Variants in ABCG2 observed in about 807,000 individuals in gnomAD.
The protein encoded by ABCG2 is broad substrate specificity ATP-binding cassette transporter ABCG2.
ABCG2 carries 80 observed loss-of-function variants against 73.5 expected under a neutral mutation model. The observed-to-expected ratio is 1.09, with a 90% CI of 0.91 to 1.31. The LOEUF is 1.31. Among genes scored for constraint, ABCG2 ranks in the 50% most tolerant of loss-of-function variants. The probability of loss-of-function intolerance (pLI) is 0.00; values close to 1 mark genes in which losing one functional copy is unlikely to be tolerated. For missense variants in ABCG2, 796 were observed against 786.2 expected, an observed-to-expected ratio of 1.01 and a Z score of -0.15; for synonymous variants, 269 against 282.4, an observed-to-expected ratio of 0.95 and a Z score of 0.48.
At chr4:88,217,469 T>G (rs10019314) in intron 1 of ABCG2, among the ~76,000 whole-genome samples, 59,466 of 151,994 alleles carry the variant, frequency 0.39, 12,496 homozygotes, top group East Asian at 0.6. Flanking sequence ...AAGACCAGCC[T>G]GGCCAATATG....
rs1240795047 is a variant in ABCG2 at position 88,202,374 on chromosome 4, A to ATATATATATATATATATATG, written c.-20+28619_-20+28620insCATATATATATATATATATA. ...ATTATTTATATATATATATATATAT[A>ATATATATATATATATATATG]TATGTATATTTTAATTAGCTGGGCA... On this transcript the variant is annotated intron_variant, in intron 1 of 15. Transcript: ENST00000515655. 2.8e-3 allele frequency among the ~76,000 whole-genome samples: 326 copies of ATATATATATATATATATATG among 115,694 alleles called. 9 individuals are homozygous for ATATATATATATATATATATG. Among genetic ancestry groups the ATATATATATATATATATATG allele is most frequent in the Non-Finnish European group, 4.6e-3 (246 of 54,034 alleles). The allele number at this position is 115,694 out of a possible 152,430, so 75.9% of individuals were successfully genotyped here.
Position 88,092,071 on chromosome 4 carries a change from C to T in ABCG2, c.*163G>A. ...GTCTTGGGTTCTTTCATGTTTAATT[C>T]AGTTTGTTGTGATTTCTAAAAATGT... On this transcript the variant is annotated 3_prime_UTR_variant, in exon 16 of 16. Coordinates refer to ENST00000237612, the MANE Select transcript of ABCG2 (RefSeq NM_004827.3). The T allele has an allele frequency of 1.6e-6, 1 of 641,166 alleles. No individual in the cohort carries two copies. The highest frequency in any genetic ancestry group is 2.6e-6 in the Non-Finnish European group (1 of 385,322). The allele number at this position is 641,166 out of a possible 1,614,324, so 39.7% of individuals were successfully genotyped here.
chr4:88,231,109 G>A (rs763513480), exon 1 of ABCG2: 4 of 152,162 alleles, frequency 2.6e-5, no homozygotes, highest in Non-Finnish European at 5.9e-5. Context: ...CTTCAACCAG[G>A]ACCCACGCCT....
At chr4:88,113,227 T>A (rs370391847) in intron 9 of ABCG2, 76 bp downstream of exon 9, 1 of 1,526,482 alleles carries the variant, frequency 6.6e-7, no homozygotes, top group African/African-American at 1.4e-5. Flanking sequence ...GGGTAGAAGA[T>A]AAACATATCC....
At chr4:88,144,358 C>G (rs993714332) in intron 1 of ABCG2, among the ~76,000 whole-genome samples, 7 of 152,130 alleles carry the variant, frequency 4.6e-5, no homozygotes, top group Non-Finnish European at 1.0e-4. Flanking sequence ...GATTCTTTCC[C>G]CAGCTCTGCT....
rs1020179851 is a variant in ABCG2, at chr4:88,230,373, G to T, written c.-20+621C>A. Reference sequence around the variant, plus strand: ...TTTTGAGACGGAGTCTCGCACTGTCGCCGCACCCGGCCATATTTTCAATTT... The same window carrying T: ...TTTTGAGACGGAGTCTCGCACTGTCTCCGCACCCGGCCATATTTTCAATTT... On this transcript the variant is annotated intron_variant, in intron 1 of 15. Coordinates refer to the ABCG2 transcript ENST00000515655. Among the ~76,000 whole-genome samples, 15 of 138,698 alleles carry T rather than the reference G, an allele frequency of 1.1e-4. 1 individual carries two copies. The highest frequency in any genetic ancestry group is 4.2e-4 in the African/African-American group (15 of 35,728). 91.0% of individuals were successfully genotyped at this position (138,698 alleles called of 152,430 possible).
At chr4:88,174,338 C>A (rs1727871612) in intron 1 of ABCG2, among the ~76,000 whole-genome samples, 2 of 152,218 alleles carry the variant, frequency 1.3e-5, no homozygotes, top group African/African-American at 2.4e-5. Context: ...TACTCCCCAA[C>A]AGGCCCTGGT....
chr4:88,149,186 C>T (rs769651303), intron 1 of ABCG2, among the ~76,000 whole-genome samples: 2 of 151,816 alleles, frequency 1.3e-5, no homozygotes, highest in Admixed American at 6.6e-5. Context: ...ACTATACTCC[C>T]GTCTGGGTGA....
chr4:88,171,861 G>C (rs66530127), intron 1 of ABCG2, among the ~76,000 whole-genome samples: 32,958 of 152,092 alleles, frequency 0.22, 4,363 homozygotes, highest in Non-Finnish European at 0.29. Context: ...GCATGTGCCT[G>C]TAATCCCAGC....
At chr4:88,146,441 C>G (rs943355588) in intron 1 of ABCG2, among the ~76,000 whole-genome samples, 1 of 151,508 alleles carries the variant, frequency 6.6e-6, no homozygotes, top group Non-Finnish European at 1.5e-5. Flanking sequence ...TTGCCGAGGA[C>G]GTAGTGCAGT....
upstream of ABCG2, among the ~76,000 whole-genome samples, chr4:88,161,158 T>A (rs1727284809): frequency 1.0e-5 from 1 of 95,512 alleles, no homozygotes; most frequent in Non-Finnish European, 2.5e-5. Flanking sequence ...TACAAACAAT[T>A]TTTTTTTTTA....
chr4:88,168,708 TTAAC>T (rs1268220849), intron 1 of ABCG2, among the ~76,000 whole-genome samples: 1 of 152,204 alleles, frequency 6.6e-6, no homozygotes, highest in Non-Finnish European at 1.5e-5. Context: ...AGTCTTTTGT[TTAAC>T]TAAATTTTGT....
chr4:88,129,786 C>T (rs1459934064), intron 5 of ABCG2, among the ~76,000 whole-genome samples: 1 of 152,120 alleles, frequency 6.6e-6, no homozygotes, highest in Non-Finnish European at 1.5e-5. Context: ...TCATTTTCAC[C>T]CAAAGCTTCA....
At chr4:88,093,763 A>G (rs984871779) in intron 15 of ABCG2, among the ~76,000 whole-genome samples, 4 of 152,214 alleles carry the variant, frequency 2.6e-5, no homozygotes, top group Non-Finnish European at 1.5e-5. Context: ...CTACTTGAAC[A>G]TTCAGGAGAT....
chr4:88,098,899 C>T (rs1267268913), intron 12 of ABCG2, among the ~76,000 whole-genome samples: 2 of 152,004 alleles, frequency 1.3e-5, no homozygotes, highest in African/African-American at 4.8e-5. Flanking sequence ...CTACTTGAGG[C>T]CAGGAGTATA....
At chr4:88,119,738 G>T (rs1723832459) in intron 6 of ABCG2, among the ~76,000 whole-genome samples, 1 of 152,162 alleles carries the variant, frequency 6.6e-6, no homozygotes, top group Non-Finnish European at 1.5e-5. Flanking sequence ...GCATTCAAGA[G>T]GTGACTCGGG....
chr4:88,100,876 T>C (rs2110187640), intron 11 of ABCG2, among the ~76,000 whole-genome samples: 1 of 152,240 alleles, frequency 6.6e-6, no homozygotes, highest in Middle Eastern at 3.4e-3. Flanking sequence ...AAAAACAAAA[T>C]ATACTTTTCA....
At chr4:88,214,083 G>T (rs997998189) in intron 1 of ABCG2, among the ~76,000 whole-genome samples, 3 of 147,236 alleles carry the variant, frequency 2.0e-5, no homozygotes, top group Non-Finnish European at 4.5e-5. Context: ...GAACTCCTGG[G>T]CTCAAGTGGT....
exon 1 of ABCG2, chr4:88,231,081 G>C (rs2110138344): frequency 6.6e-6 from 1 of 152,312 alleles, no homozygotes; most frequent in African/African-American, 2.4e-5. Context: ...TCTACACTTA[G>C]GAGTTTTCCT....
Sources: allele counts gnomAD v4.1 joint callset (sites outside exome capture counted in the v4.1 genomes callset), GRCh38; gene constraint gnomAD v4.1.1; transcripts MANE v1.5; gene names NCBI Gene and HGNC (gene_info 2026-07-23, HGNC 2026-07-21).